Variants in CCDC80 observed in about 807,000 individuals in gnomAD.
CCDC80 encodes coiled-coil domain containing 80, also known as coiled-coil domain-containing protein 80.
In CCDC80, 49 loss-of-function variants were observed where a neutral mutation model predicts 78.7. That is an observed-to-expected ratio of 0.62 (90% CI 0.50 to 0.79). The LOEUF (loss-of-function observed/expected upper bound fraction) is 0.79, where lower values mean the gene tolerates loss of function less well. Among genes scored for constraint, CCDC80 ranks in the 30% least tolerant of loss-of-function variants. The probability of loss-of-function intolerance (pLI) is 0.00; values close to 1 mark genes in which losing one functional copy is unlikely to be tolerated. For synonymous variants in CCDC80, 488 were observed against 447.0 expected (o/e 1.09, Z -1.16); for missense variants, 1,205 against 1,198.6 (o/e 1.01, Z -0.08).
rs1406096353 is a variant in CCDC80, at chr3:112,600,986, C to T, written c.*4431G>A. On this transcript the variant is annotated 3_prime_UTR_variant, in exon 8 of 8. Transcript: ENST00000206423. ...ACGTGGCTCACTTTCCTGCACACCT[C>T]AGGCAGCTTGTACAGACTATCCAAG... 6.6e-6 allele frequency: 1 copy of T among 152,198 alleles called. No homozygotes were observed. Among genetic ancestry groups the T allele is most frequent in the African/African-American group, 2.4e-5 (1 of 41,436 alleles). 9.4% of individuals were successfully genotyped at this position (152,198 alleles called of 1,614,324 possible). A position where few individuals can be genotyped will look rare whatever the true frequency, so the allele number is the denominator to read the frequency against.
chr3:112,638,278 A>G lies in CCDC80; in HGVS notation c.1628T>C (p.Leu543Pro). Reference protein sequence around the residue: ...KAKESKKHEKLEKPEKEKKKK... With the variant: ...KAKESKKHEKPEKPEKEKKKK... ...TTTCTTCTCCTTCTCTGGTTTCTCA[A>G]GCTTTTCATGCTTTTTAGACTCCTT... Residue 543 changes from leucine to proline, a missense_variant, in exon 2 of 8, where the codon CTT (leucine) becomes CCT (proline). Coordinates refer to ENST00000206423, the MANE Select transcript of CCDC80 (RefSeq NM_199511.3). The G allele has an allele frequency of 6.2e-7, 1 of 1,613,748 alleles. No individual in the cohort carries two copies. Among genetic ancestry groups the G allele is most frequent in the South Asian group, 1.1e-5 (1 of 91,064 alleles).
intron 4 of CCDC80, 118 bp from the exon 5 acceptor site, chr3:112,616,976 C>A: frequency 1.0e-6 from 1 of 988,336 alleles, no homozygotes; most frequent in Non-Finnish European, 1.5e-6. Flanking sequence ...AAATCAGAGC[C>A]TAGAAGATTC....
chr3:112,608,652 G>C (rs529386325), intron 6 of CCDC80, among the ~76,000 whole-genome samples: 2 of 152,258 alleles, frequency 1.3e-5, no homozygotes. Context: ...GTTCTTAACT[G>C]CTGTAAGAAT....
At position 112,639,376 on chromosome 3, in the gene CCDC80, C is replaced by T. The variant is rs1936290456; in HGVS notation, c.530G>A (p.Cys177Tyr). 6.2e-7 allele frequency: 1 copy of T among 1,614,090 alleles called. No homozygotes were observed. Among genetic ancestry groups the T allele is most frequent in the Non-Finnish European group, 8.5e-7 (1 of 1,180,054 alleles). ...MMSLLKDDVYCELAERHIQQI... is the reference protein window; with the variant it reads ...MMSLLKDDVYYELAERHIQQI... ...TTGGATGTGCCTCTCCGCCAGCTCA[C>T]AGTACACATCGTCCTTCAGCAGGCT... Residue 177 changes from cysteine (C) to tyrosine (Y), a missense_variant, in exon 2 of 8, where the codon TGT becomes TAT. Coordinates refer to ENST00000206423, the MANE Select transcript of CCDC80 (RefSeq NM_199511.3).
At chr3:112,610,857 A>AT (rs1326177488) in intron 5 of CCDC80, among the ~76,000 whole-genome samples, 1 of 150,558 alleles carries the variant, frequency 6.6e-6, no homozygotes, top group Admixed American at 6.6e-5. Context: ...GTCGTTGAGC[A>AT]TGTCACTCAA....
intron 3 of CCDC80, among the ~76,000 whole-genome samples, chr3:112,624,536 G>A (rs1318479738): frequency 6.6e-6 from 1 of 152,102 alleles, no homozygotes; most frequent in East Asian, 1.9e-4. Context: ...CAATTGATCT[G>A]CTTACTCCCC....
chr3:112,607,230 G>A lies in CCDC80; in HGVS notation c.2452C>T (p.Leu818Phe). Residue 818 changes from leucine (L) to phenylalanine (F), a missense_variant, in exon 7 of 8, where the codon CTT (leucine) becomes TTT (phenylalanine). Coordinates refer to ENST00000206423, the MANE Select transcript of CCDC80 (RefSeq NM_199511.3). ...CCAACTTCCTCTCCAACGCCTAAAA[G>A]CTTCAGAATGGTTATGTGGCGCAGA... The part of the protein sequence containing the change: ...FGLRHITILK[L>F]LGVGEEVGGV... The A allele has an allele frequency of 6.2e-7, 1 of 1,613,828 alleles. No individual in the cohort carries two copies. The highest frequency in any genetic ancestry group is 8.5e-7 in the Non-Finnish European group (1 of 1,179,870).
rs1361617406 is a variant in CCDC80, at chr3:112,599,415, T to A, written c.*6002A>T. 6.6e-6 allele frequency: 1 copy of A among 152,202 alleles called. No individual in the cohort carries two copies. Among genetic ancestry groups the A allele is most frequent in the African/African-American group, 2.4e-5 (1 of 41,402 alleles). 9.4% of individuals were successfully genotyped at this position (152,202 alleles called of 1,614,324 possible). On this transcript the variant is annotated 3_prime_UTR_variant, in exon 8 of 8. Transcript: ENST00000206423. Reference sequence around the variant, plus strand: ...TTAGCATGTTAACTGTGCCTCACCTTGACCTGAAGTGAAGAGCACTCACCA... The same window carrying A: ...TTAGCATGTTAACTGTGCCTCACCTAGACCTGAAGTGAAGAGCACTCACCA...
Position 112,639,724 on chromosome 3 carries a change from A to G in CCDC80, c.182T>C (p.Ile61Thr), listed in dbSNP as rs149889809. The G allele has an allele frequency of 2.2e-5, 36 of 1,613,842 alleles. No homozygotes were observed. Among genetic ancestry groups the G allele is most frequent in the East Asian group, 1.6e-4 (7 of 44,878 alleles). Residue 61 changes from isoleucine to threonine, a missense_variant, in exon 2 of 8, where the codon ATT becomes ACT. Coordinates refer to ENST00000206423, the MANE Select transcript of CCDC80 (RefSeq NM_199511.3). ...TGGTTCCTCCAGAGTGGATCTCTCA[A>G]TTCCGCGAGACCTCCCAGTGTGCCT... ...FLRHTGRSRG[I>T]ERSTLEEPNL...
chr3:112,611,557 T>C (rs1004608008), intron 5 of CCDC80, among the ~76,000 whole-genome samples: 3 of 152,210 alleles, frequency 2.0e-5, no homozygotes, highest in Non-Finnish European at 4.4e-5. Flanking sequence ...GTGAATAACT[T>C]GCCCAACTAG....
At chr3:112,612,061 T>A (rs1553918) in intron 5 of CCDC80, among the ~76,000 whole-genome samples, 67,684 of 137,188 alleles carry the variant, frequency 0.49, 16,578 homozygotes, top group Middle Eastern at 0.59. Flanking sequence ...TTTTTTTTTT[T>A]AAAAAGGGAA....
rs115461364 is a variant in CCDC80, at chr3:112,638,701, A to C, written c.1205T>G (p.Val402Gly). The part of the protein sequence containing the change: ...PSHRPPTTTE[V>G]ITARRPSVSE... ...AACTGAGGGTCTCCTGGCAGTGATC[A>C]CCTCAGTGGTTGTAGGGGGCCTGTG... is the stretch of plus-strand genomic sequence containing the variant. The change falls in exon 2 of 8, where the codon GTG becomes GGG. Residue 402 changes from valine to glycine, a missense_variant. Physicochemically the swap from Val to Gly is moderately radical, Grantham distance 109. Coordinates refer to ENST00000206423, the MANE Select transcript of CCDC80 (RefSeq NM_199511.3). 1 of 1,613,230 alleles carries C rather than the reference A, an allele frequency of 6.2e-7. No individual in the cohort carries two copies. Among genetic ancestry groups the C allele is most frequent in the Non-Finnish European group, 8.5e-7 (1 of 1,179,774 alleles).
rs1251314169 is a variant in CCDC80, at chr3:112,602,474, A to T, written c.*2943T>A. 2 of 152,260 alleles carry T rather than the reference A, an allele frequency of 1.3e-5. No individual in the cohort carries two copies. The highest frequency in any genetic ancestry group is 2.9e-5 in the Non-Finnish European group (2 of 68,046). The allele number at this position is 152,260 out of a possible 1,614,324, so 9.4% of individuals were successfully genotyped here. ...AGACAGGCTGAAAGCTAAGCCTCTT[A>T]TGCCAAACAACCAAGTTGTAAATGC... is the stretch of plus-strand genomic sequence containing the variant. On this transcript the variant is annotated 3_prime_UTR_variant, in exon 8 of 8. Transcript: ENST00000206423.
chr3:112,620,896 T>C (rs1291936807), intron 3 of CCDC80, among the ~76,000 whole-genome samples: 2 of 152,346 alleles, frequency 1.3e-5, no homozygotes, highest in East Asian at 3.9e-4. Flanking sequence ...TTATCACTAA[T>C]GTCCAGAATT....
intron 5 of CCDC80, among the ~76,000 whole-genome samples, chr3:112,616,424 CAAAG>C (rs1237667630): frequency 1.2e-5 from 1 of 86,396 alleles, no homozygotes; most frequent in Non-Finnish European, 2.2e-5. Flanking sequence ...TATTCTGTAC[CAAAG>C]AAAGAGAAAA....
chr3:112,640,214 A>T (rs1319598471), intron 1 of CCDC80, 113 bp downstream of exon 1: 1 of 326,960 alleles, frequency 3.1e-6, no homozygotes, highest in African/African-American at 2.1e-5. Flanking sequence ...GGATGCTCCA[A>T]AGAAAATGCA....
rs1935432999 is a variant in CCDC80, at chr3:112,604,451, G to A, written c.*966C>T. 6.6e-6 allele frequency: 1 copy of A among 151,962 alleles called. No homozygotes were observed. The highest frequency in any genetic ancestry group is 1.5e-5 in the Non-Finnish European group (1 of 68,028). The allele number at this position is 151,962 out of a possible 1,614,324, so 9.4% of individuals were successfully genotyped here. A position where few individuals can be genotyped will look rare whatever the true frequency, so the allele number is the denominator to read the frequency against. On this transcript the variant is annotated 3_prime_UTR_variant, in exon 8 of 8. Coordinates refer to ENST00000206423, the MANE Select transcript of CCDC80 (RefSeq NM_199511.3). ...ATCATTAGCAATTTTTAGCAATAAA[G>A]TATTTTTAAAATAAAACATGTACAT...
At chr3:112,606,185 T>TA (rs1316667590) in intron 7 of CCDC80, among the ~76,000 whole-genome samples, 2 of 152,246 alleles carry the variant, frequency 1.3e-5, no homozygotes, top group Non-Finnish European at 2.9e-5. Context: ...ATTTCATTGT[T>TA]AAAAGTGAAA....
rs1158072315 is a variant in CCDC80, at chr3:112,601,727, G to A, written c.*3690C>T. 1 of 145,650 alleles carries A rather than the reference G, an allele frequency of 6.9e-6. No individual in the cohort carries two copies. The highest frequency in any genetic ancestry group is 1.5e-5 in the Non-Finnish European group (1 of 67,814). The allele number at this position is 145,650 out of a possible 1,614,324, so 9.0% of individuals were successfully genotyped here. On this transcript the variant is annotated 3_prime_UTR_variant, in exon 8 of 8. Transcript: ENST00000206423. ...AAAAAAGAAGCAGCAGCAACGAAAG[G>A]AGGGAGGAAGGGAGAAAGTTTACTT...
Sources: gnomAD v4.1 joint callset for allele counts (sites outside exome capture counted in the v4.1 genomes callset) on GRCh38, gnomAD v4.1.1 for gene constraint, MANE v1.5 for transcripts, NCBI Gene and HGNC (gene_info 2026-07-23, HGNC 2026-07-21) for gene names.